Variants in PCDH11X observed in about 807,000 individuals in gnomAD.
The protein encoded by PCDH11X is protocadherin 11 X-linked.
PCDH11X carries 18 observed loss-of-function variants against 53.3 expected under a neutral mutation model. That is an observed-to-expected ratio of 0.34 (90% CI 0.23 to 0.50). PCDH11X has a LOEUF of 0.50. PCDH11X is among the 20% of genes least tolerant of loss of function. The probability of loss-of-function intolerance (pLI) is 0.98; values close to 1 mark genes in which losing one functional copy is unlikely to be tolerated. For synonymous variants in PCDH11X, 279 were observed against 393.3 expected (o/e 0.71, Z 3.44); for missense variants, 570 against 1,032.4 (o/e 0.55, Z 6.14).
chrX:92,251,153 A>G (rs1319797873), intron 7 of PCDH11X, among the ~76,000 whole-genome samples: 1 of 110,791 alleles, frequency 9.0e-6, no homozygotes, highest in Non-Finnish European at 1.9e-5. Context: ...TTATTTCTCT[A>G]TTGTACACAT....
chrX:92,185,328 G>C (rs2066072217), intron 6 of PCDH11X, among the ~76,000 whole-genome samples: 1 of 111,131 alleles, frequency 9.0e-6, no homozygotes, highest in Non-Finnish European at 1.9e-5. Flanking sequence ...AATGAAACTA[G>C]ACTCATATCT....
At chrX:92,180,498 T>A (rs6618895) in intron 6 of PCDH11X, among the ~76,000 whole-genome samples, 55,528 of 110,023 alleles carry the variant, frequency 0.5, 10,610 homozygotes, top group Non-Finnish European at 0.6. Flanking sequence ...ATCTAGTCTC[T>A]TGCTCTTGGT....
At chrX:92,449,231 T>C (rs1297313833) in intron 9 of PCDH11X, among the ~76,000 whole-genome samples, 1 of 112,208 alleles carries the variant, frequency 8.9e-6, no homozygotes, top group African/African-American at 3.2e-5. Context: ...AATAGTCAAC[T>C]GAATAGAATC....
At chrX:92,049,964 G>A (rs2063344672) in intron 6 of PCDH11X, among the ~76,000 whole-genome samples, 1 of 111,388 alleles carries the variant, frequency 9.0e-6, no homozygotes, top group Non-Finnish European at 1.9e-5. Flanking sequence ...TAGTAGAGAC[G>A]GGGTTTCGCC....
At chrX:92,449,721 T>A (rs2072740450) in intron 9 of PCDH11X, among the ~76,000 whole-genome samples, 1 of 110,982 alleles carries the variant, frequency 9.0e-6, no homozygotes, top group Admixed American at 9.7e-5. Flanking sequence ...GAGGTCATTA[T>A]CATGCAGTAG....
At chrX:92,489,296 T>A (rs1249874312) in intron 10 of PCDH11X, among the ~76,000 whole-genome samples, 21 of 109,636 alleles carry the variant, frequency 1.9e-4, no homozygotes, top group Non-Finnish European at 3.8e-4. Flanking sequence ...GGAGGTATAT[T>A]TCTGGCATTA....
intron 10 of PCDH11X, among the ~76,000 whole-genome samples, chrX:92,564,584 G>T (rs1474773957): frequency 9.1e-6 from 1 of 109,564 alleles, no homozygotes; most frequent in African/African-American, 3.3e-5. Flanking sequence ...AATAAAACTA[G>T]ACCCCTATCT....
intron 5 of PCDH11X, among the ~76,000 whole-genome samples, chrX:91,839,998 T>G (rs1271852979): frequency 9.0e-6 from 1 of 111,537 alleles, no homozygotes; most frequent in Non-Finnish European, 1.9e-5. Flanking sequence ...CTCTTTAACT[T>G]TCACTTTTTA....
At position 92,467,176 on chromosome X, in the gene PCDH11X, A is replaced by G. The variant is rs751699262; in HGVS notation, c.3344-1123A>G. On this transcript the variant is annotated intron_variant, in intron 9 of 10. Coordinates refer to ENST00000682573, the MANE Select transcript of PCDH11X (RefSeq NM_032968.5). ...CTTCAGCTTGTATTACCATTAAATT[A>G]CATTGCATACAGATGAAACACCTTG... Among the ~76,000 whole-genome samples the G allele has an allele frequency of 4.5e-5, 5 of 111,245 alleles. No individual in the cohort carries two copies. In the East Asian group the frequency reaches 1.4e-3, roughly 31 times the overall value.
At chrX:92,163,726 A>C in intron 6 of PCDH11X, among the ~76,000 whole-genome samples, 1 of 110,639 alleles carries the variant, frequency 9.0e-6, no homozygotes, top group Admixed American at 9.7e-5. Flanking sequence ...CACTTCCTTC[A>C]GAGGGTCTGT....
chrX:92,371,924 G>A (rs1054573603), intron 8 of PCDH11X, among the ~76,000 whole-genome samples: 5 of 111,406 alleles, frequency 4.5e-5, no homozygotes, highest in African/African-American at 6.5e-5. Flanking sequence ...AATGAAATTA[G>A]CATAATTATA....
intron 1 of PCDH11X, among the ~76,000 whole-genome samples, chrX:91,786,049 A>T (rs1241681907): frequency 8.9e-6 from 1 of 112,198 alleles, no homozygotes; most frequent in African/African-American, 3.2e-5. Context: ...GTATTTTTCA[A>T]TTACTGTTTT....
At chrX:92,029,921 C>T (rs954408088) in intron 6 of PCDH11X, among the ~76,000 whole-genome samples, 18 of 112,048 alleles carry the variant, frequency 1.6e-4, no homozygotes, top group African/African-American at 2.3e-4. Context: ...GCCAATAAGA[C>T]GCAAAGAGAA....
In PCDH11X at chrX:92,461,082, T is replaced by C. The variant is rs1361282360; in HGVS notation, c.3344-7217T>C. 12 of 428,081 alleles carry C rather than the reference T, an allele frequency of 2.8e-5. No individual in the cohort carries two copies. In the African/African-American group the frequency reaches 3.2e-4, roughly 11 times the overall value. 35.3% of individuals were successfully genotyped at this position (428,081 alleles called of 1,213,427 possible). On this transcript the variant is annotated intron_variant, in intron 9 of 10. Coordinates refer to ENST00000682573, the MANE Select transcript of PCDH11X (RefSeq NM_032968.5). ...AGAAATTGAGGCAGATACAAAAAAA[T>C]TGAAAGACATTTCATATTCATAGAT...
intron 9 of PCDH11X, among the ~76,000 whole-genome samples, chrX:92,420,789 T>A (rs904921795): frequency 3.6e-5 from 4 of 111,862 alleles, no homozygotes; most frequent in African/African-American, 1.3e-4. Flanking sequence ...TTTGAGTTTA[T>A]CATGGTTGGG....
intron 6 of PCDH11X, among the ~76,000 whole-genome samples, chrX:91,907,412 CAGAGAGAGAG>C (rs59848282): frequency 3.5e-5 from 2 of 57,498 alleles, no homozygotes; most frequent in Middle Eastern, 0.011. Context: ...CACACACACA[CAGAGAGAGAG>C]AGAGAGAGAG....
At chrX:91,825,199 C>T (rs1936865345) in intron 4 of PCDH11X, among the ~76,000 whole-genome samples, 1 of 108,741 alleles carries the variant, frequency 9.2e-6, no homozygotes, top group Non-Finnish European at 1.9e-5. Flanking sequence ...GTGGTGGGCT[C>T]CACCCAGTTG....
chrX:91,795,444 T>C (rs1218171076), intron 1 of PCDH11X, among the ~76,000 whole-genome samples: 1 of 110,730 alleles, frequency 9.0e-6, no homozygotes, highest in Non-Finnish European at 1.9e-5. Flanking sequence ...ATAATGATCA[T>C]ATAGCCCAAA....
At chrX:92,517,802 A>G (rs1008041458) in intron 10 of PCDH11X, among the ~76,000 whole-genome samples, 2 of 110,864 alleles carry the variant, frequency 1.8e-5, no homozygotes, top group African/African-American at 6.5e-5. Context: ...TTACATCCAT[A>G]AACTTTGGGT....
Sources: allele counts gnomAD v4.1 joint callset (sites outside exome capture counted in the v4.1 genomes callset), GRCh38; gene constraint gnomAD v4.1.1; transcripts MANE v1.5; gene names NCBI Gene and HGNC (gene_info 2026-07-23, HGNC 2026-07-21).